ETV6: variants seen among roughly 807,000 people sequenced by gnomAD.
ETV6 encodes the protein ETS variant transcription factor 6, also known as transcription factor ETV6.
Under a neutral mutation model 51.1 loss-of-function variants are expected in ETV6, and 16 were observed. The observed-to-expected ratio is 0.31, with a 90% CI of 0.21 to 0.48. The LOEUF (loss-of-function observed/expected upper bound fraction) is 0.48, where lower values mean the gene tolerates loss of function less well. Ranked by LOEUF, ETV6 falls within the 20% of genes least tolerant of loss-of-function variation. The probability of loss-of-function intolerance (pLI) is 0.99; values close to 1 mark genes in which losing one functional copy is unlikely to be tolerated. For synonymous variants in ETV6, 240 were observed against 224.1 expected, an observed-to-expected ratio of 1.07 and a Z score of -0.64; for missense variants, 458 against 594.8, an observed-to-expected ratio of 0.77 and a Z score of 2.39.
chr12:11,704,387 C>T (rs989071065), intron 1 of ETV6, among the ~76,000 whole-genome samples: 1 of 152,114 alleles, frequency 6.6e-6, no homozygotes, highest in Admixed American at 6.5e-5. Context: ...CACTCTGTTG[C>T]CCAGGCTGGA....
chr12:11,737,368 A>G (rs1865723943), intron 1 of ETV6, among the ~76,000 whole-genome samples: 1 of 152,226 alleles, frequency 6.6e-6, no homozygotes, highest in Non-Finnish European at 1.5e-5. Flanking sequence ...GGTGTTCTCA[A>G]CACGTTTATG....
Position 11,869,404 on chromosome 12 carries a change from T to C in ETV6, c.464-20T>C, listed in dbSNP as rs1330070827. ...GCCAACTCACTGGGGTCTGTGATTG[T>C]CTTTCCCTCTGCTCCACAGATAACT... On this transcript the variant is annotated intron_variant, in intron 4 of 7. Transcript: ENST00000396373. This position sits in a 1 kb window ranked among gnomAD's most constrained non-coding sequence, Gnocchi z 5.0. The C allele has an allele frequency of 6.3e-7, 1 of 1,585,172 alleles. No individual in the cohort carries two copies. Among genetic ancestry groups the C allele is most frequent in the South Asian group, 1.2e-5 (1 of 85,790 alleles).
At chr12:11,716,248 G>A (rs895798235) in intron 1 of ETV6, among the ~76,000 whole-genome samples, 5 of 144,104 alleles carry the variant, frequency 3.5e-5, no homozygotes, top group African/African-American at 1.0e-4. Context: ...GGAGAATAGC[G>A]TGAATCTGGG....
chr12:11,735,656 A>G (rs1865690457), intron 1 of ETV6, among the ~76,000 whole-genome samples: 1 of 152,176 alleles, frequency 6.6e-6, no homozygotes, highest in Admixed American at 6.5e-5. Flanking sequence ...GCTGGAGTGC[A>G]ATGGCACAAT....
intron 4 of ETV6, among the ~76,000 whole-genome samples, chr12:11,866,496 C>G (rs1263950141): frequency 1.3e-5 from 2 of 152,164 alleles, no homozygotes; most frequent in Admixed American, 6.5e-5. Context: ...GACTTTTGTT[C>G]TAGGAGGCAA....
chr12:11,737,811 C>T (rs1378310939), intron 1 of ETV6, among the ~76,000 whole-genome samples: 3 of 152,142 alleles, frequency 2.0e-5, no homozygotes, highest in South Asian at 2.1e-4. Context: ...AGTCAGTCAA[C>T]GCAGTTTTCT....
intron 3 of ETV6, 42 bp downstream of exon 3, chr12:11,839,346 C>CT (rs1946358846): frequency 6.3e-7 from 1 of 1,579,590 alleles, no homozygotes; most frequent in Admixed American, 1.7e-5. Flanking sequence ...CTTGGAAAGT[C>CT]TCTTAGTTAG....
intron 2 of ETV6, among the ~76,000 whole-genome samples, chr12:11,771,879 A>G (rs988394262): frequency 1.2e-4 from 18 of 152,228 alleles, no homozygotes; most frequent in African/African-American, 4.3e-4. Context: ...ACTTGGAGTC[A>G]GGAAGCCTGG....
At chr12:11,678,633 G>A (rs1329626239) in intron 1 of ETV6, among the ~76,000 whole-genome samples, 2 of 152,160 alleles carry the variant, frequency 1.3e-5, no homozygotes, top group Non-Finnish European at 2.9e-5. Flanking sequence ...AGAACCACAA[G>A]GAGATAATGT....
intron 2 of ETV6, among the ~76,000 whole-genome samples, chr12:11,821,090 C>T (rs142792713): frequency 0.059 from 9,043 of 152,142 alleles, 368 homozygotes; most frequent in Non-Finnish European, 0.087. Context: ...GGGCTGGGCA[C>T]GGTGGCTCAC....
chr12:11,874,871 G>A (rs1056371737), intron 5 of ETV6, among the ~76,000 whole-genome samples: 22 of 137,130 alleles, frequency 1.6e-4, no homozygotes, highest in African/African-American at 6.0e-4. Context: ...ACAGGAAGGG[G>A]AACATCACAC....
At chr12:11,651,617 T>A (rs1863908029) in intron 1 of ETV6, among the ~76,000 whole-genome samples, 1 of 152,208 alleles carries the variant, frequency 6.6e-6, no homozygotes, top group Non-Finnish European at 1.5e-5. Context: ...TAGGGTACTT[T>A]GATATTAATA....
At chr12:11,795,217 T>C (rs1945658040) in intron 2 of ETV6, among the ~76,000 whole-genome samples, 1 of 152,266 alleles carries the variant, frequency 6.6e-6, no homozygotes, top group Non-Finnish European at 1.5e-5. Flanking sequence ...CAGGAACTGT[T>C]ATTTGGTTAA....
In ETV6 at chr12:11,893,325, C is replaced by G. The variant is rs1947324533; in HGVS notation, c.*2279C>G. On this transcript the variant is annotated 3_prime_UTR_variant, in exon 8 of 8. Transcript: ENST00000396373. Reference sequence around the variant, plus strand: ...GAGCCTCTCAGTCTGGCCTCTTCACCCAAGTGCAAGAACTCAGTCTCTTAC... The same window carrying G: ...GAGCCTCTCAGTCTGGCCTCTTCACGCAAGTGCAAGAACTCAGTCTCTTAC... The G allele has an allele frequency of 4.3e-6, 1 of 230,838 alleles. No homozygotes were observed. The highest frequency in any genetic ancestry group is 8.5e-6 in the Non-Finnish European group (1 of 117,402). The allele number at this position is 230,838 out of a possible 1,614,324, so 14.3% of individuals were successfully genotyped here.
intron 2 of ETV6, among the ~76,000 whole-genome samples, chr12:11,835,963 C>G (rs1395077584): frequency 1.3e-5 from 2 of 152,138 alleles, no homozygotes; most frequent in African/African-American, 4.8e-5. Flanking sequence ...ATCTGAATCC[C>G]TATCATAGGG....
At chr12:11,745,824 T>A (rs1199232983) in intron 1 of ETV6, among the ~76,000 whole-genome samples, 1 of 152,232 alleles carries the variant, frequency 6.6e-6, no homozygotes, top group Non-Finnish European at 1.5e-5. Flanking sequence ...GAAAGTAATA[T>A]GTTTGTACTC....
At chr12:11,722,074 A>G (rs1398875046) in intron 1 of ETV6, among the ~76,000 whole-genome samples, 3 of 152,242 alleles carry the variant, frequency 2.0e-5, no homozygotes, top group African/African-American at 4.8e-5. Flanking sequence ...CTGGGCTGTC[A>G]CTATAAAGTT....
chr12:11,862,807 T>C (rs1029460272), intron 4 of ETV6, among the ~76,000 whole-genome samples: 1 of 152,184 alleles, frequency 6.6e-6, no homozygotes, highest in African/African-American at 2.4e-5. Context: ...GGGGGAGAGA[T>C]AGTCAACCCA....
At chr12:11,738,151 G>A (rs1028112640) in intron 1 of ETV6, among the ~76,000 whole-genome samples, 3 of 152,028 alleles carry the variant, frequency 2.0e-5, no homozygotes, top group Non-Finnish European at 4.4e-5. Context: ...AGCATAGAAA[G>A]CCTATGCTGC....
Sources: gnomAD v4.1 joint callset for allele counts (sites outside exome capture counted in the v4.1 genomes callset) on GRCh38, gnomAD v4.1.1 for gene constraint, Gnocchi (gnomAD v3.1) non-coding constraint, MANE v1.5 for transcripts, NCBI Gene and HGNC (gene_info 2026-07-23, HGNC 2026-07-21) for gene names.